Variants in ATRNL1 observed in about 807,000 individuals in gnomAD.
ATRNL1 encodes attractin like 1, also known as attractin-like protein 1.
Under a neutral mutation model 182.7 loss-of-function variants are expected in ATRNL1, and 95 were observed. That is an observed-to-expected ratio of 0.52 (90% CI 0.44 to 0.62). The LOEUF (loss-of-function observed/expected upper bound fraction) is 0.62. Ranked by LOEUF, ATRNL1 falls within the 20% of genes least tolerant of loss-of-function variation. ATRNL1 has a pLI of 0.00. For synonymous variants in ATRNL1, 576 were observed against 568.3 expected (o/e 1.01, Z -0.19); for missense variants, 1,471 against 1,679.5 (o/e 0.88, Z 2.17).
chr10:115,431,426 A>G (rs1554963942), intron 21 of ATRNL1, among the ~76,000 whole-genome samples: 1 of 151,580 alleles, frequency 6.6e-6, no homozygotes, highest in African/African-American at 2.4e-5. Context: ...AAAAGAAAAG[A>G]AAAGATATAA....
chr10:115,430,608 A>C (rs1417185167), intron 21 of ATRNL1, among the ~76,000 whole-genome samples: 1 of 152,148 alleles, frequency 6.6e-6, no homozygotes, highest in Non-Finnish European at 1.5e-5. Context: ...TCTCCCAGGT[A>C]ATAAGTGCAG....
intron 25 of ATRNL1, among the ~76,000 whole-genome samples, chr10:115,540,451 A>T (rs1386447990): frequency 6.6e-6 from 1 of 152,124 alleles, no homozygotes; most frequent in Non-Finnish European, 1.5e-5. Context: ...AAGGTAGCAC[A>T]AGAGAGATGG....
chr10:115,129,426 G>A lies in ATRNL1; in HGVS notation c.720G>A (p.Lys240=), dbSNP rs1554874459. Residue 240 remains lysine (K), a synonymous_variant, in exon 5 of 29, where the codon AAG becomes AAA. Coordinates refer to ENST00000355044, the MANE Select transcript of ATRNL1 (RefSeq NM_207303.4). ...ATTGTGAATGTGATAAATACTGGAA[G>A]GGTGAAGCTTGTGATATTCCTTACT... ...QVYCECDKYW[K]GEACDIPYCK... 6.2e-7 allele frequency: 1 copy of A among 1,614,060 alleles called. No individual in the cohort carries two copies. Among genetic ancestry groups the A allele is most frequent in the South Asian group, 1.1e-5 (1 of 91,082 alleles).
chr10:115,674,975 T>C (rs1945815202), intron 26 of ATRNL1, among the ~76,000 whole-genome samples: 1 of 152,120 alleles, frequency 6.6e-6, no homozygotes, highest in African/African-American at 2.4e-5. Flanking sequence ...AAAACCTTAG[T>C]GATAGTGTGT....
intron 23 of ATRNL1, among the ~76,000 whole-genome samples, 171 bp from the exon 24 acceptor site, chr10:115,469,001 A>G (rs1848185962): frequency 6.6e-6 from 1 of 150,710 alleles, no homozygotes; most frequent in South Asian, 2.1e-4. Flanking sequence ...TTTTTATACT[A>G]AATTTATTTC....
chr10:115,925,286 T>C (rs1391698084), intron 28 of ATRNL1, among the ~76,000 whole-genome samples: 2 of 152,148 alleles, frequency 1.3e-5, no homozygotes, highest in African/African-American at 4.8e-5. Flanking sequence ...AATACTATGT[T>C]GCATAAGAAT....
chr10:115,493,232 C>T (rs1554977181), intron 24 of ATRNL1, among the ~76,000 whole-genome samples: 1 of 152,012 alleles, frequency 6.6e-6, no homozygotes, highest in Non-Finnish European at 1.5e-5. Flanking sequence ...GAGCATAGTA[C>T]ACAATAGGTA....
intron 19 of ATRNL1, among the ~76,000 whole-genome samples, chr10:115,371,257 C>T (rs1377694792): frequency 6.6e-6 from 1 of 152,108 alleles, no homozygotes; most frequent in Non-Finnish European, 1.5e-5. Context: ...ACACAGAGTC[C>T]CCACTAGGTG....
intron 17 of ATRNL1, among the ~76,000 whole-genome samples, chr10:115,303,697 C>A (rs2133983595): frequency 6.6e-6 from 1 of 152,254 alleles, no homozygotes; most frequent in Non-Finnish European, 1.5e-5. Context: ...GAGCAAGACT[C>A]CTTGGATTTT....
chr10:115,728,692 A>C (rs879964713), intron 27 of ATRNL1, among the ~76,000 whole-genome samples: 1 of 152,192 alleles, frequency 6.6e-6, no homozygotes, highest in Non-Finnish European at 1.5e-5. Context: ...TTTTTAGAGG[A>C]AATGAAATAT....
intron 8 of ATRNL1, among the ~76,000 whole-genome samples, chr10:115,172,014 C>T (rs1383373199): frequency 1.3e-5 from 2 of 151,988 alleles, no homozygotes; most frequent in African/African-American, 4.8e-5. Context: ...ATTCTTGGCT[C>T]TTTTGTGTAT....
Position 115,171,182 on chromosome 10 carries a change from G to C in ATRNL1, c.1238G>C (p.Gly413Ala). 1 of 1,611,490 alleles carries C rather than the reference G, an allele frequency of 6.2e-7. No homozygotes were observed. The highest frequency in any genetic ancestry group is 8.5e-7 in the Non-Finnish European group (1 of 1,178,318). ...CATGGTCAGCAGTATGCTGTGGAGG[G>C]ACATTCAGCACATATTATGGAGTTG... is the stretch of plus-strand genomic sequence containing the variant. ...LGHGQQYAVE[G>A]HSAHIMELDS... The change falls in exon 8 of 29, where the codon GGA becomes GCA. Residue 413 changes from glycine (G) to alanine (A), a missense_variant. By Grantham distance (60) the Gly-to-Ala change is moderately conservative. Coordinates refer to ENST00000355044, the MANE Select transcript of ATRNL1 (RefSeq NM_207303.4).
chr10:115,688,020 C>A (rs553577497), intron 26 of ATRNL1, among the ~76,000 whole-genome samples: 1 of 152,014 alleles, frequency 6.6e-6, no homozygotes, highest in Non-Finnish European at 1.5e-5. Flanking sequence ...ATTCTCTATA[C>A]CCATGAAATC....
At chr10:115,208,718 T>C (rs1848901001) in intron 8 of ATRNL1, among the ~76,000 whole-genome samples, 1 of 152,064 alleles carries the variant, frequency 6.6e-6, no homozygotes, top group African/African-American at 2.4e-5. Flanking sequence ...GTCCTTTCCA[T>C]AGCCTTAAGT....
At position 115,726,822 on chromosome 10, in the gene ATRNL1, A is replaced by G. The variant is rs372481336; in HGVS notation, c.3796-426A>G. Among the ~76,000 whole-genome samples, 191 of 150,972 alleles carry G rather than the reference A, an allele frequency of 1.3e-3. 2 individuals are homozygous for G. The South Asian group carries it at 0.036, about 28-fold the overall frequency. ...TAATTTCTATTAATGCATTTTGACAACTTTTCATTATCTTTTCTTAAATAT... is the reference window on the plus strand; with the variant it reads ...TAATTTCTATTAATGCATTTTGACAGCTTTTCATTATCTTTTCTTAAATAT... On this transcript the variant is annotated intron_variant, in intron 26 of 28. Coordinates refer to ENST00000355044, the MANE Select transcript of ATRNL1 (RefSeq NM_207303.4).
intron 21 of ATRNL1, among the ~76,000 whole-genome samples, chr10:115,429,112 A>T (rs1433640823): frequency 2.0e-5 from 3 of 151,900 alleles, no homozygotes; most frequent in African/African-American, 4.8e-5. Context: ...ACTTGATTTT[A>T]TGTGTTGATG....
chr10:115,282,402 T>A (rs1335246143), intron 14 of ATRNL1, among the ~76,000 whole-genome samples: 1 of 150,826 alleles, frequency 6.6e-6, no homozygotes, highest in Non-Finnish European at 1.5e-5. Flanking sequence ...ATGCTATCCC[T>A]CCCCCCTCTC....
chr10:115,887,907 G>A (rs1034888646), intron 28 of ATRNL1, among the ~76,000 whole-genome samples: 1 of 151,758 alleles, frequency 6.6e-6, no homozygotes, highest in Non-Finnish European at 1.5e-5. Flanking sequence ...TTCTGAACTG[G>A]CCCCCCTGCT....
chr10:115,496,228 T>C (rs564627474), intron 24 of ATRNL1, among the ~76,000 whole-genome samples: 12 of 152,282 alleles, frequency 7.9e-5, no homozygotes, highest in African/African-American at 2.9e-4. Flanking sequence ...GTAAGATGGG[T>C]CAGCATGTAA....
Sources: allele counts gnomAD v4.1 joint callset (sites outside exome capture counted in the v4.1 genomes callset), GRCh38; gene constraint gnomAD v4.1.1; transcripts MANE v1.5; gene names NCBI Gene and HGNC (gene_info 2026-07-23, HGNC 2026-07-21).